BOK: variants seen among roughly 807,000 people sequenced by gnomAD.
The protein encoded by BOK is bcl-2-related ovarian killer protein.
Under a neutral mutation model 18.3 loss-of-function variants are expected in BOK, and 20 were observed. That is an observed-to-expected ratio of 1.09 (90% CI 0.77 to 1.59). BOK has a LOEUF of 1.59. Ranked by LOEUF, BOK falls within the 40% of genes most tolerant of loss-of-function variation. The pLI is 0.00. For missense variants in BOK, 348 were observed against 307.9 expected (o/e 1.13, Z -0.97); for synonymous variants, 173 against 142.4 (o/e 1.21, Z -1.53).
At chr2:241,559,086 G>C (rs1255847150) in intron 1 of BOK, 93 bp downstream of exon 1, 1 of 155,162 alleles carries the variant, frequency 6.4e-6, no homozygotes, top group Non-Finnish European at 1.4e-5. Context: ...GCCAGCGGCG[G>C]AGGTGGGCGG....
At chr2:241,560,090 G>A (rs1166727028) in intron 2 of BOK, 12 of 985,440 alleles carry the variant, frequency 1.2e-5, no homozygotes, top group African/African-American at 3.5e-5. Flanking sequence ...GTTACTGGCC[G>A]AGATCCCGCC....
intron 3 of BOK, among the ~76,000 whole-genome samples, chr2:241,565,335 G>C (rs979936366): frequency 2.6e-5 from 4 of 152,060 alleles, no homozygotes; most frequent in Non-Finnish European, 5.9e-5. Flanking sequence ...GACCTGCAAC[G>C]GGTTTCTGAA....
chr2:241,559,072 G>T (rs1409060874), intron 1 of BOK, 79 bp downstream of exon 1: 1 of 153,296 alleles, frequency 6.5e-6, no homozygotes, highest in Non-Finnish European at 1.4e-5. Flanking sequence ...CACGCGCGCA[G>T]GACGCCAGCG....
At chr2:241,570,037 A>T in intron 3 of BOK, 88 bp from the exon 4 acceptor site, 2 of 1,451,132 alleles carry the variant, frequency 1.4e-6, no homozygotes, top group South Asian at 2.8e-5. Context: ...GGCAAGCAGG[A>T]CAGCGGCTCA....
At chr2:241,560,136 C>A (rs1029763544) in intron 2 of BOK, 1 of 985,298 alleles carries the variant, frequency 1.0e-6, no homozygotes, top group Non-Finnish European at 1.2e-6. Flanking sequence ...CCGAGGCCCC[C>A]CCATTGGAAA....
chr2:241,570,953 G>C (rs36154881), intron 4 of BOK, among the ~76,000 whole-genome samples: 6 of 112,148 alleles, frequency 5.4e-5, no homozygotes, highest in African/African-American at 1.8e-4. Flanking sequence ...AGGGTGCAGA[G>C]GTACAGGAGG....
rs768195034 is a variant in BOK, at chr2:241,562,387, A to G, written c.260A>G (p.Asn87Ser). 1.1e-5 allele frequency: 17 copies of G among 1,611,800 alleles called. No individual in the cohort carries two copies. In the Admixed American group the frequency reaches 2.5e-4, roughly 24 times the overall value. ...LEMIRPSVYR[N>S]VARQLHISLQ... ...ATGATCCGGCCCAGCGTCTACCGCA[A>G]CGTGGCGCGTCAGCTGCACATCTCC... is the stretch of plus-strand genomic sequence containing the variant. The change falls in exon 3 of 5, where the codon AAC (asparagine) becomes AGC (serine). Residue 87 changes from asparagine to serine, a missense_variant. Asn to Ser is a conservative substitution (Grantham distance 46). Coordinates refer to ENST00000318407, the MANE Select transcript of BOK (RefSeq NM_032515.5). This position sits in a 1 kb window ranked among gnomAD's most constrained non-coding sequence, Gnocchi z 4.5.
Position 241,572,377 on chromosome 2 carries a change from C to G in BOK, c.594C>G (p.Gly198=). 6.2e-7 allele frequency: 1 copy of G among 1,605,490 alleles called. No individual in the cohort carries two copies. The highest frequency in any genetic ancestry group is 8.5e-7 in the Non-Finnish European group (1 of 1,179,164). ...TGGTGGCTGCACTCTGCAGCTTCGG[C>G]CGCTTCCTGAAGGCTGCCTTCTTCG... ...HWLVAALCSF[G]RFLKAAFFVL... Residue 198 remains glycine, a synonymous_variant, in exon 5 of 5, where the codon GGC becomes GGG. Transcript: ENST00000318407.
chr2:241,553,817 C>T (rs1312723078), upstream of BOK, among the ~76,000 whole-genome samples: 1 of 152,172 alleles, frequency 6.6e-6, no homozygotes, highest in East Asian at 1.9e-4. Context: ...TCTAGCGTTG[C>T]CAAGGGCAAC....
chr2:241,559,192 C>G (rs1469386781), intron 1 of BOK, among the ~76,000 whole-genome samples, 199 bp downstream of exon 1: 1 of 151,582 alleles, frequency 6.6e-6, no homozygotes, highest in Non-Finnish European at 1.5e-5. Flanking sequence ...CACTCGTCTT[C>G]GAGGGCGGGC....
chr2:241,560,066 A>G (rs2066503981), intron 2 of BOK: 2 of 985,124 alleles, frequency 2.0e-6, no homozygotes, highest in African/African-American at 3.5e-5. Flanking sequence ...TATTTTGGAA[A>G]ACAGATTCTT....
intron 3 of BOK, among the ~76,000 whole-genome samples, chr2:241,566,338 C>T (rs1442222416): frequency 2.0e-5 from 3 of 146,426 alleles, no homozygotes; most frequent in Non-Finnish European, 4.5e-5. Flanking sequence ...ACTCTTGTTG[C>T]CCAGGCTGGA....
chr2:241,557,844 G>A (rs1385197333), upstream of BOK, among the ~76,000 whole-genome samples: 2 of 152,162 alleles, frequency 1.3e-5, no homozygotes, highest in Non-Finnish European at 2.9e-5. Context: ...AGGACACACT[G>A]TAAGATTTCA....
At chr2:241,555,378 A>ATTT (rs11382322), upstream of BOK, among the ~76,000 whole-genome samples, 284 of 139,088 alleles carry the variant, frequency 2.0e-3, 2 homozygotes, top group Middle Eastern at 7.7e-3. Context: ...CACTGAGGTC[A>ATTT]TTTTTTTTTT....
At chr2:241,565,660 C>T (rs926508615) in intron 3 of BOK, among the ~76,000 whole-genome samples, 2 of 152,190 alleles carry the variant, frequency 1.3e-5, no homozygotes, top group Admixed American at 6.5e-5. Flanking sequence ...AGCTGCACAG[C>T]CCGCACCTCA....
At chr2:241,570,038 C>A in intron 3 of BOK, 87 bp from the exon 4 acceptor site, 1 of 1,456,130 alleles carries the variant, frequency 6.9e-7, no homozygotes, top group South Asian at 1.4e-5. Flanking sequence ...GCAAGCAGGA[C>A]AGCGGCTCAG....
intron 1 of BOK, among the ~76,000 whole-genome samples, chr2:241,553,382 C>T (rs1037225019): frequency 6.6e-6 from 1 of 152,156 alleles, no homozygotes; most frequent in African/African-American, 2.4e-5. Flanking sequence ...CAACTCCTGA[C>T]TTCAGGTGAT....
chr2:241,565,303 G>C (rs2066594241), intron 3 of BOK, among the ~76,000 whole-genome samples: 3 of 151,786 alleles, frequency 2.0e-5, no homozygotes, highest in Admixed American at 1.3e-4. Flanking sequence ...GAGCCACGCA[G>C]GTTGAAGCCC....
intron 1 of BOK, among the ~76,000 whole-genome samples, chr2:241,552,576 C>T (rs573235312): frequency 6.6e-6 from 1 of 152,210 alleles, no homozygotes; most frequent in Non-Finnish European, 1.5e-5. Context: ...AGGCTGCCGC[C>T]GCTGCTGAAC....
Sources: gnomAD v4.1 joint callset for allele counts (sites outside exome capture counted in the v4.1 genomes callset) on GRCh38, gnomAD v4.1.1 for gene constraint, Gnocchi (gnomAD v3.1) non-coding constraint, MANE v1.5 for transcripts, NCBI Gene and HGNC (gene_info 2026-07-23, HGNC 2026-07-21) for gene names.